Variants in CTNNA2 observed in about 807,000 individuals in gnomAD.
CTNNA2 encodes catenin alpha 2.
CTNNA2 carries 42 observed loss-of-function variants against 101.0 expected under a neutral mutation model. The observed-to-expected ratio is 0.42, with a 90% CI of 0.32 to 0.54. CTNNA2 has a LOEUF of 0.54. Ranked by LOEUF, CTNNA2 falls within the 20% of genes least tolerant of loss-of-function variation. The probability of loss-of-function intolerance (pLI) is 0.14; values close to 1 mark genes in which losing one functional copy is unlikely to be tolerated. For synonymous variants in CTNNA2, 450 were observed against 456.4 expected, an observed-to-expected ratio of 0.99 and a Z score of 0.18; for missense variants, 871 against 1,223.1, an observed-to-expected ratio of 0.71 and a Z score of 4.29.
At chr2:79,231,892 T>G (rs1447286212) in intron 2 of CTNNA2, among the ~76,000 whole-genome samples, 2 of 152,214 alleles carry the variant, frequency 1.3e-5, no homozygotes, top group African/African-American at 4.8e-5. Flanking sequence ...TTCTACTGCT[T>G]TCTATAGCTG....
chr2:79,572,479 G>T (rs1675517730), intron 1 of CTNNA2, among the ~76,000 whole-genome samples: 1 of 152,190 alleles, frequency 6.6e-6, no homozygotes. Context: ...GCCAGGTGCA[G>T]TGGCTCACTC....
intron 3 of CTNNA2, among the ~76,000 whole-genome samples, chr2:79,746,163 C>G (rs142290431): frequency 7.2e-5 from 11 of 152,182 alleles, no homozygotes; most frequent in African/African-American, 2.6e-4. Flanking sequence ...TTACTTATGT[C>G]GAAGAACTTT....
intron 12 of CTNNA2, among the ~76,000 whole-genome samples, chr2:80,560,069 A>AAAAAAG (rs1553387766): frequency 7.1e-6 from 1 of 141,128 alleles, no homozygotes; most frequent in Non-Finnish European, 1.5e-5. Flanking sequence ...AAAAAAAAAA[A>AAAAAAG]AAAGAAAAAA....
chr2:79,267,161 C>T (rs955540558), intron 2 of CTNNA2, among the ~76,000 whole-genome samples: 3 of 151,998 alleles, frequency 2.0e-5, no homozygotes, highest in African/African-American at 7.2e-5. Flanking sequence ...CCCAGTTCCC[C>T]TTGATGGGGA....
At chr2:79,463,801 A>G (rs1670903849) in intron 4 of CTNNA2, among the ~76,000 whole-genome samples, 1 of 152,158 alleles carries the variant, frequency 6.6e-6, no homozygotes, top group African/African-American at 2.4e-5. Context: ...GTGCCCATAG[A>G]TCCATATGTT....
intron 15 of CTNNA2, among the ~76,000 whole-genome samples, chr2:80,597,202 A>G (rs1697059889): frequency 6.6e-6 from 1 of 152,174 alleles, no homozygotes; most frequent in African/African-American, 2.4e-5. Context: ...AAAACAAGCA[A>G]TGTGGAAAGG....
chr2:80,095,384 G>C (rs1700079787), intron 7 of CTNNA2, among the ~76,000 whole-genome samples: 2 of 152,216 alleles, frequency 1.3e-5, no homozygotes, highest in African/African-American at 2.4e-5. Flanking sequence ...GCTTTTTGAT[G>C]TGCTGCTGGA....
At chr2:79,892,769 G>A (rs1684401065) in intron 6 of CTNNA2, among the ~76,000 whole-genome samples, 1 of 152,140 alleles carries the variant, frequency 6.6e-6, no homozygotes, top group African/African-American at 2.4e-5. Flanking sequence ...GATATTTGAG[G>A]CCATCCAGTA....
At chr2:79,973,210 G>C (rs576478576) in intron 7 of CTNNA2, among the ~76,000 whole-genome samples, 1 of 151,070 alleles carries the variant, frequency 6.6e-6, no homozygotes, top group Non-Finnish European at 1.5e-5. Flanking sequence ...CCTTTCTCTT[G>C]GTTATTTTTT....
intron 3 of CTNNA2, among the ~76,000 whole-genome samples, chr2:79,368,195 C>T (rs927215841): frequency 6.6e-6 from 1 of 152,190 alleles, no homozygotes; most frequent in South Asian, 2.1e-4. Flanking sequence ...ATCTGAGAAG[C>T]AGACTTTCTA....
At chr2:80,274,618 G>A (rs894768217) in intron 7 of CTNNA2, among the ~76,000 whole-genome samples, 4 of 152,126 alleles carry the variant, frequency 2.6e-5, no homozygotes, top group African/African-American at 9.7e-5. Context: ...TTCTCAATTA[G>A]CATTTTTCCC....
At position 79,816,545 on chromosome 2, in the gene CTNNA2, C is replaced by T. The variant is rs1329271470; in HGVS notation, c.299-41468C>T. On this transcript the variant is annotated intron_variant, in intron 3 of 18. Coordinates refer to ENST00000402739, the MANE Select transcript of CTNNA2 (RefSeq NM_001282597.3). ...AAAGAATGAGAAGATACAAGAAGAG[C>T]AGGAGCATATATCTCCTTACTAGGA... Among the ~76,000 whole-genome samples, 4 of 152,046 alleles carry T rather than the reference C, an allele frequency of 2.6e-5. No individual in the cohort carries two copies. The East Asian group carries it at 5.8e-4, about 22-fold the overall frequency.
intron 7 of CTNNA2, among the ~76,000 whole-genome samples, chr2:80,280,148 G>A (rs548217448): frequency 1.4e-4 from 21 of 151,178 alleles, no homozygotes; most frequent in African/African-American, 5.1e-4. Context: ...CTTGTGTGCT[G>A]GTTGCAGCAC....
intron 7 of CTNNA2, among the ~76,000 whole-genome samples, chr2:80,265,787 G>A (rs1353944200): frequency 4.6e-5 from 7 of 152,180 alleles, no homozygotes; most frequent in Non-Finnish European, 1.0e-4. Context: ...TAACAACTGA[G>A]AAGAGAAGAG....
chr2:80,029,640 A>ATTTTTTTTTTT (rs78417534), intron 7 of CTNNA2: 1 of 127,916 alleles, frequency 7.8e-6, no homozygotes, highest in African/African-American at 2.9e-5. Context: ...ACAGCCTGGG[A>ATTTTTTTTTTT]TTTTTTTTTT....
chr2:79,601,091 A>G (rs561205923), intron 1 of CTNNA2, among the ~76,000 whole-genome samples: 2 of 152,306 alleles, frequency 1.3e-5, no homozygotes, highest in Admixed American at 6.5e-5. Context: ...GTTAGGGAGG[A>G]TAAAGAGAAA....
At chr2:79,764,566 C>G (rs902203768) in intron 3 of CTNNA2, among the ~76,000 whole-genome samples, 5 of 152,024 alleles carry the variant, frequency 3.3e-5, no homozygotes, top group Non-Finnish European at 7.4e-5. Context: ...GAATCAAAAA[C>G]AATTCATCTG....
chr2:80,419,645 C>A, intron 9 of CTNNA2, 44 bp downstream of exon 9: 1 of 1,592,030 alleles, frequency 6.3e-7, no homozygotes, highest in South Asian at 1.1e-5. Flanking sequence ...CCGATGGGTT[C>A]AATCTCTGCA....
intron 7 of CTNNA2, among the ~76,000 whole-genome samples, chr2:80,306,375 C>CTTTCTTTTCTTTTCTTTCCTTTTCT (rs1676951761): frequency 7.2e-6 from 1 of 139,468 alleles, no homozygotes; most frequent in Non-Finnish European, 1.5e-5. Context: ...TTCTTTCTTT[C>CTTTCTTTTCTTTTCTTTCCTTTTCT]TTTCTTTTCT....
Sources: gnomAD v4.1 joint callset for allele counts (sites outside exome capture counted in the v4.1 genomes callset) on GRCh38, gnomAD v4.1.1 for gene constraint, MANE v1.5 for transcripts, NCBI Gene and HGNC (gene_info 2026-07-23, HGNC 2026-07-21) for gene names.